MED15: variants seen among roughly 807,000 people sequenced by gnomAD.
MED15 encodes mediator complex subunit 15.
In MED15, 41 loss-of-function variants were observed where a neutral mutation model predicts 118.7. That is an observed-to-expected ratio of 0.35 (90% CI 0.27 to 0.45). The LOEUF (loss-of-function observed/expected upper bound fraction) is 0.45. MED15 is among the 20% of genes least tolerant of loss of function. The pLI is 1.00. For missense variants in MED15, 740 were observed against 1,025.5 expected (o/e 0.72, Z 3.80); for synonymous variants, 436 against 413.9 (o/e 1.05, Z -0.65).
At chr22:20,519,766 T>C (rs1191653880) in intron 1 of MED15, among the ~76,000 whole-genome samples, 1 of 152,198 alleles carries the variant, frequency 6.6e-6, no homozygotes, top group Non-Finnish European at 1.5e-5. Context: ...GAGGTTTTTA[T>C]TTTGAGAATA....
rs361923 is a variant in MED15 at position 20,566,562 on chromosome 22, G to GCAGCAGCAT, written c.786_787insCAGCAGCAT (p.Gln262_Ala263insGlnGlnHis). 6.2e-7 allele frequency: 1 copy of GCAGCAGCAT among 1,613,394 alleles called. No homozygotes were observed. The highest frequency in any genetic ancestry group is 8.5e-7 in the Non-Finnish European group (1 of 1,179,862). On this transcript the variant is annotated inframe_insertion, in exon 7 of 18. Transcript: ENST00000263205. ...AGCAGCAGCAGCAGCAGCAGCAGCA[G>GCAGCAGCAT]GCTTTGCAGGCCCAGCCACCAATTC...
Position 20,509,198 on chromosome 22 carries a change from C to T in MED15, c.68+1452C>T, listed in dbSNP as rs151251941. Among the ~76,000 whole-genome samples the T allele has an allele frequency of 1.8e-4, 27 of 152,172 alleles. 1 individual carries two copies. The East Asian group carries it at 5.2e-3, about 29-fold the overall frequency. ...ATGATGGAATGAGGGTGAGCAGGTA[C>T]TAGCACTTTAGTGGGGGTGTTGTGC... On this transcript the variant is annotated intron_variant, in intron 1 of 17. Coordinates refer to ENST00000263205, the MANE Select transcript of MED15 (RefSeq NM_001003891.3).
intron 4 of MED15, among the ~76,000 whole-genome samples, chr22:20,553,925 G>A (rs1180509719): frequency 6.6e-6 from 1 of 152,194 alleles, no homozygotes; most frequent in African/African-American, 2.4e-5. Flanking sequence ...TCACATGAGG[G>A]GAATTCTGTC....
chr22:20,563,753 A>G (rs2056327827), intron 5 of MED15, among the ~76,000 whole-genome samples: 1 of 152,256 alleles, frequency 6.6e-6, no homozygotes, highest in African/African-American at 2.4e-5. Flanking sequence ...TCTTTAATAC[A>G]GCTTTATTGA....
intron 1 of MED15, chr22:20,523,058 C>T (rs1446090645): frequency 6.6e-6 from 1 of 152,230 alleles, no homozygotes. Flanking sequence ...TCCATACTCT[C>T]TCCAGAGCTG....
chr22:20,531,528 C>T (rs1283121344), intron 1 of MED15, among the ~76,000 whole-genome samples: 1 of 152,198 alleles, frequency 6.6e-6, no homozygotes, highest in Non-Finnish European at 1.5e-5. Context: ...CCTGCCAGGC[C>T]CAGCTGCCTG....
intron 2 of MED15, chr22:20,551,052 C>T: frequency 2.1e-6 from 1 of 484,340 alleles, no homozygotes; most frequent in South Asian, 1.6e-5. Context: ...CAGCGGCCCA[C>T]CCACGGCTGC....
At chr22:20,566,030 C>CT (rs555771579) in intron 6 of MED15, among the ~76,000 whole-genome samples, 9,013 of 119,410 alleles carry the variant, frequency 0.075, 560 homozygotes, top group East Asian at 0.35. Context: ...CCAGGAAGGC[C>CT]TTTTTTTTTT....
At chr22:20,524,708 G>A (rs1206108439) in intron 1 of MED15, among the ~76,000 whole-genome samples, 1 of 152,146 alleles carries the variant, frequency 6.6e-6, no homozygotes, top group Non-Finnish European at 1.5e-5. Context: ...TGCAACCTCC[G>A]CCTCCCGGGT....
At chr22:20,571,079 A>T (rs1416423574) in intron 8 of MED15, among the ~76,000 whole-genome samples, 1 of 151,538 alleles carries the variant, frequency 6.6e-6, no homozygotes, top group Non-Finnish European at 1.5e-5. Flanking sequence ...TTTTCTTTCC[A>T]TTTCTTGGTA....
chr22:20,572,966 C>CTTTTT (rs361635), intron 8 of MED15, among the ~76,000 whole-genome samples: 2 of 137,080 alleles, frequency 1.5e-5, no homozygotes, highest in Admixed American at 7.3e-5. Flanking sequence ...ATCTCATTTT[C>CTTTTT]TTTTTTTTTT....
chr22:20,582,481 A>G (rs1237561721), intron 9 of MED15, 130 bp from the exon 10 acceptor site: 1 of 1,412,486 alleles, frequency 7.1e-7, no homozygotes, highest in Admixed American at 2.0e-5. Flanking sequence ...TCCAGGTGGC[A>G]TTTGGATGAA....
chr22:20,556,917 G>T (rs1460404243), intron 5 of MED15, among the ~76,000 whole-genome samples: 1 of 152,158 alleles, frequency 6.6e-6, no homozygotes, highest in African/African-American at 2.4e-5. Context: ...TTGAGACCCA[G>T]CCAGGTTTTA....
chr22:20,548,809 A>G (rs1237994678), intron 2 of MED15, among the ~76,000 whole-genome samples: 1 of 151,956 alleles, frequency 6.6e-6, no homozygotes, highest in Non-Finnish European at 1.5e-5. Flanking sequence ...AAATTCTATG[A>G]AGCTTTTAAC....
intron 6 of MED15, among the ~76,000 whole-genome samples, chr22:20,565,825 T>C (rs1475494043): frequency 1.4e-4 from 22 of 152,236 alleles, no homozygotes; most frequent in Admixed American, 1.4e-3. Context: ...GCTGTACCTA[T>C]TCCTTGTCAT....
intron 1 of MED15, among the ~76,000 whole-genome samples, chr22:20,518,061 T>C (rs1036037112): frequency 1.4e-4 from 11 of 80,720 alleles, no homozygotes; most frequent in Non-Finnish European, 2.7e-4. Flanking sequence ...ATGGGCTCTG[T>C]GCTGCTGTTG....
At chr22:20,568,151 C>T (rs1302087365) in intron 7 of MED15, among the ~76,000 whole-genome samples, 6 of 152,204 alleles carry the variant, frequency 3.9e-5, no homozygotes, top group East Asian at 1.9e-4. Context: ...CTCTGCTGGC[C>T]GGCTAACCCA....
intron 1 of MED15, among the ~76,000 whole-genome samples, chr22:20,526,087 GT>G (rs1433893496): frequency 1.3e-5 from 2 of 151,738 alleles, no homozygotes; most frequent in Non-Finnish European, 2.9e-5. Flanking sequence ...GACTGGCTAA[GT>G]TTTTGTATTT....
At chr22:20,560,475 G>A (rs1259786695) in intron 5 of MED15, among the ~76,000 whole-genome samples, 1 of 152,142 alleles carries the variant, frequency 6.6e-6, no homozygotes, top group Non-Finnish European at 1.5e-5. Context: ...ATGTTGGCCA[G>A]GATGTTCTCG....
Sources: allele counts gnomAD v4.1 joint callset (sites outside exome capture counted in the v4.1 genomes callset), GRCh38; gene constraint gnomAD v4.1.1; transcripts MANE v1.5; gene names NCBI Gene and HGNC (gene_info 2026-07-23, HGNC 2026-07-21).